Variants in WDFY4 observed in about 807,000 individuals in gnomAD.
The protein encoded by WDFY4 is WDFY family member 4.
In WDFY4, 169 loss-of-function variants were observed where a neutral mutation model predicts 351.9. That is an observed-to-expected ratio of 0.48 (90% CI 0.42 to 0.55). The LOEUF is 0.55. Among genes scored for constraint, WDFY4 ranks in the 20% least tolerant of loss-of-function variants. The probability of loss-of-function intolerance (pLI) is 0.00; values close to 1 mark genes in which losing one functional copy is unlikely to be tolerated. For missense variants in WDFY4, 3,803 were observed against 3,935.6 expected (o/e 0.97, Z 0.90); for synonymous variants, 1,622 against 1,574.6 (o/e 1.03, Z -0.71).
intron 47 of WDFY4, among the ~76,000 whole-genome samples, chr10:48,907,351 T>G (rs549104373): frequency 6.6e-6 from 1 of 152,308 alleles, no homozygotes; most frequent in East Asian, 1.9e-4. Context: ...ATCCCCGGGC[T>G]GGAGAAAGCC....
intron 54 of WDFY4, 51 bp downstream of exon 54, chr10:48,964,105 T>C: frequency 6.5e-7 from 1 of 1,528,506 alleles, no homozygotes; most frequent in Non-Finnish European, 8.9e-7. Flanking sequence ...GTGTGTGCAG[T>C]GTGAGGACAT....
In WDFY4 at chr10:48,780,166, T is replaced by C. The variant is rs1405553877; in HGVS notation, c.3576+47T>C. On this transcript the variant is annotated intron_variant, in intron 19 of 61. Coordinates refer to ENST00000325239, the MANE Select transcript of WDFY4 (RefSeq NM_001394531.1). The stretch of plus-strand genomic sequence containing the variant: ...GCACTTGCCCCACAACCATACCTCC[T>C]GCTACTACCCTGAAGTGGCCTCGGT... 3.2e-6 allele frequency: 5 copies of C among 1,546,078 alleles called. No individual in the cohort carries two copies. In the Admixed American group the frequency reaches 9.8e-5, roughly 30 times the overall value.
At chr10:48,782,356 G>T (rs75586568) in intron 19 of WDFY4, among the ~76,000 whole-genome samples, 8,662 of 152,278 alleles carry the variant, frequency 0.057, 580 homozygotes, top group East Asian at 0.33. Context: ...CTTGAACTTG[G>T]CGCAGGGGCT....
At position 48,828,765 on chromosome 10, in the gene WDFY4, T is replaced by C. The variant is rs979357792; in HGVS notation, c.6222-13T>C. 1.4e-6 allele frequency: 2 copies of C among 1,461,250 alleles called. No homozygotes were observed. The highest frequency in any genetic ancestry group is 1.9e-6 in the Non-Finnish European group (2 of 1,080,760). The allele number at this position is 1,461,250 out of a possible 1,614,324, so 90.5% of individuals were successfully genotyped here. ...ATTTATTGGATTTTAGTGAAAAATC[T>C]CTTATCCACTAGTTACCCAGAAGGA... On this transcript the variant is annotated splice_polypyrimidine_tract_variant and intron_variant, in intron 36 of 61. Transcript: ENST00000325239.
At chr10:48,935,826 T>G (rs554163884) in intron 47 of WDFY4, among the ~76,000 whole-genome samples, 1 of 152,306 alleles carries the variant, frequency 6.6e-6, no homozygotes, top group African/African-American at 2.4e-5. Context: ...GTAAGCCTTG[T>G]GCTTTGCTTT....
At chr10:48,751,176 C>T (rs938213776) in intron 12 of WDFY4, among the ~76,000 whole-genome samples, 14 of 152,152 alleles carry the variant, frequency 9.2e-5, no homozygotes, top group South Asian at 2.1e-4. Context: ...ATTGAGAGGA[C>T]GCAGAGAAGT....
At chr10:48,783,219 G>T (rs1187463201) in intron 19 of WDFY4, among the ~76,000 whole-genome samples, 2 of 152,106 alleles carry the variant, frequency 1.3e-5, no homozygotes, top group Non-Finnish European at 2.9e-5. Context: ...ATAAAATGGT[G>T]TAGTATTTGC....
chr10:48,770,056 C>T (rs1158590210), intron 13 of WDFY4, among the ~76,000 whole-genome samples: 1 of 152,202 alleles, frequency 6.6e-6, no homozygotes, highest in Non-Finnish European at 1.5e-5. Flanking sequence ...TTTCCTGCTA[C>T]TGCTATCTTC....
chr10:48,709,912 G>C lies in WDFY4; in HGVS notation c.180G>C (p.Lys60Asn). 1 of 1,552,196 alleles carries C rather than the reference G, an allele frequency of 6.4e-7. No homozygotes were observed. The highest frequency in any genetic ancestry group is 8.7e-7 in the Non-Finnish European group (1 of 1,147,106). Reference protein sequence around the residue: ...KFLEYQQLTHKSPIERQKSLL... With the variant: ...KFLEYQQLTHNSPIERQKSLL... ...TGGAATACCAGCAGTTGACTCACAA[G>C]AGCCCCATTGAGCGTCAGAAGAGCC... Residue 60 changes from lysine to asparagine, a missense_variant, in exon 2 of 62, where the codon AAG becomes AAC. By Grantham distance (94) the Lys-to-Asn change is moderately conservative (BLOSUM62 0). Transcript: ENST00000325239.
chr10:48,788,690 T>C lies in WDFY4; in HGVS notation c.3954+15T>C. The C allele has an allele frequency of 1.9e-6, 3 of 1,551,002 alleles. No individual in the cohort carries two copies. The highest frequency in any genetic ancestry group is 2.4e-5 in the South Asian group (2 of 84,034). The stretch of plus-strand genomic sequence containing the variant: ...TCGCCAAAGAGGTACATCTTCTAAC[T>C]TCGCTGCTAATCTCTGTTGGAATCT... On this transcript the variant is annotated intron_variant, in intron 21 of 61. Transcript: ENST00000325239.
chr10:48,808,924 A>G (rs1028405718), intron 28 of WDFY4, among the ~76,000 whole-genome samples: 1 of 152,220 alleles, frequency 6.6e-6, no homozygotes, highest in African/African-American at 2.4e-5. Context: ...CATGAGAATA[A>G]AAATTGTATT....
At chr10:48,797,605 A>ACTTG in intron 24 of WDFY4, among the ~76,000 whole-genome samples, 1 of 106,518 alleles carries the variant, frequency 9.4e-6, no homozygotes, top group East Asian at 2.6e-4. Flanking sequence ...CATTACAAAC[A>ACTTG]CAAGCACTGT....
At chr10:48,762,920 C>T (rs2065555117) in intron 13 of WDFY4, among the ~76,000 whole-genome samples, 2 of 152,248 alleles carry the variant, frequency 1.3e-5, no homozygotes, top group Non-Finnish European at 2.9e-5. Flanking sequence ...AAAGCCTCCT[C>T]TTCTGTGAGG....
Position 48,731,496 on chromosome 10 carries a change from G to T in WDFY4, c.1516G>T (p.Asp506Tyr), listed in dbSNP as rs1168884080. Reference sequence around the variant, plus strand: ...CCCCCTCTTCACCGACATCTTCCGGGACTCAGGGCTCCTGGGCCTGCTACT... The same window carrying T: ...CCCCCTCTTCACCGACATCTTCCGGTACTCAGGGCTCCTGGGCCTGCTACT... ...GDPLFTDIFRDSGLLGLLLAQ... is the reference protein window; with the variant it reads ...GDPLFTDIFRYSGLLGLLLAQ... The change falls in exon 9 of 62, where the codon GAC becomes TAC. Residue 506 changes from aspartate to tyrosine, a missense_variant. Coordinates refer to ENST00000325239, the MANE Select transcript of WDFY4 (RefSeq NM_001394531.1). 6.4e-7 allele frequency: 1 copy of T among 1,551,550 alleles called. No individual in the cohort carries two copies. Among genetic ancestry groups the T allele is most frequent in the South Asian group, 1.2e-5 (1 of 84,058 alleles).
intron 13 of WDFY4, among the ~76,000 whole-genome samples, chr10:48,767,436 A>G (rs1364794508): frequency 6.6e-6 from 1 of 152,208 alleles, no homozygotes; most frequent in Non-Finnish European, 1.5e-5. Flanking sequence ...TATATTTCCA[A>G]CTGACATTAC....
rs1202559603 is a variant in WDFY4, at chr10:48,941,826, G to T, written c.7607G>T (p.Arg2536Met). ...LSLRRYPGSD[R>M]IMLQKWQKRD... ...CACAGGAGATACCCCGGCTCTGACA[G>T]GATCATGCTGCAGAAGTGGCAGGTA... Residue 2536 changes from arginine (R) to methionine (M), a missense_variant, in exon 48 of 62, where the codon AGG (arginine) becomes ATG (methionine). By Grantham distance (91) the Arg-to-Met change is moderately conservative. This residue lies in a region of WDFY4 where 3,054 missense variants were observed against 3,148.6 expected (regional missense o/e 0.97). Transcript: ENST00000325239. 8.4e-6 allele frequency: 13 copies of T among 1,552,226 alleles called. No homozygotes were observed. The highest frequency in any genetic ancestry group is 1.1e-5 in the Non-Finnish European group (13 of 1,147,098).
Position 48,943,013 on chromosome 10 carries a change from T to C in WDFY4, c.7630-317T>C, listed in dbSNP as rs546409440. ...GTCAGTTCACCCACAGCATTTGTGC[T>C]ATGATTTTAGTCAACTTCTGAGAAC... On this transcript the variant is annotated intron_variant, in intron 48 of 61. Transcript: ENST00000325239. Among the ~76,000 whole-genome samples the C allele has an allele frequency of 3.9e-5, 6 of 152,330 alleles. No homozygotes were observed. In the East Asian group the frequency reaches 9.7e-4, roughly 25 times the overall value.
intron 12 of WDFY4, among the ~76,000 whole-genome samples, chr10:48,753,211 G>T (rs2199844): frequency 0.084 from 12,805 of 152,116 alleles, 671 homozygotes; most frequent in East Asian, 0.24. Flanking sequence ...TTTTAATTGG[G>T]TTGTTTCTCT....
intron 39 of WDFY4, among the ~76,000 whole-genome samples, chr10:48,864,000 G>A (rs1688081428): frequency 6.6e-6 from 1 of 152,142 alleles, no homozygotes; most frequent in South Asian, 2.1e-4. Flanking sequence ...CCATGATTTA[G>A]TTGCCTCCAC....
Sources: allele counts gnomAD v4.1 joint callset (sites outside exome capture counted in the v4.1 genomes callset), GRCh38; gene constraint gnomAD v4.1.1; regional missense constraint gnomAD v4.1.1; transcripts MANE v1.5; gene names NCBI Gene and HGNC (gene_info 2026-07-23, HGNC 2026-07-21).